Variants in POFUT3 observed in about 807,000 individuals in gnomAD.
The protein encoded by POFUT3 is protein O-fucosyltransferase 3, also known as GDP-fucose protein O-fucosyltransferase 3.
At chr8:33,362,771 C>T in the POFUT3 span, among the ~76,000 whole-genome samples, 1 of 152,114 alleles carries the variant, frequency 6.6e-6, no homozygotes, top group African/African-American at 2.4e-5. Flanking sequence ...ATTCATAAAG[C>T]AAGTCCTTAG....
chr8:33,317,886 C>A, the POFUT3 span, among the ~76,000 whole-genome samples: 1 of 152,162 alleles, frequency 6.6e-6, no homozygotes, highest in Non-Finnish European at 1.5e-5. Flanking sequence ...TCCAGCCTTA[C>A]TTCTCCATCC....
the POFUT3 span, among the ~76,000 whole-genome samples, chr8:33,336,170 T>G: frequency 6.6e-6 from 1 of 152,228 alleles, no homozygotes; most frequent in African/African-American, 2.4e-5. Flanking sequence ...AAAGTCTAGA[T>G]AGTCAACAAA....
the POFUT3 span, among the ~76,000 whole-genome samples, chr8:33,469,064 G>C: frequency 6.6e-6 from 1 of 152,176 alleles, no homozygotes; most frequent in African/African-American, 2.4e-5. Flanking sequence ...CCAGCACTTT[G>C]GGAGGCCAAG....
chr8:33,342,825 G>A, the POFUT3 span, among the ~76,000 whole-genome samples: 1 of 152,110 alleles, frequency 6.6e-6, no homozygotes, highest in Non-Finnish European at 1.5e-5. Context: ...AAGAAAACTG[G>A]CCAGGCACAG....
At chr8:33,309,145 A>T in the POFUT3 span, among the ~76,000 whole-genome samples, 10 of 39,548 alleles carry the variant, frequency 2.5e-4, no homozygotes, top group South Asian at 1.8e-3. Context: ...GTGTAAAAAA[A>T]AAAAAAAAAA....
the POFUT3 span, among the ~76,000 whole-genome samples, chr8:33,319,486 A>T: frequency 1.2e-4 from 5 of 41,242 alleles, no homozygotes; most frequent in East Asian, 2.3e-3. Flanking sequence ...TATTTATATA[A>T]TATATAAATA....
the POFUT3 span, among the ~76,000 whole-genome samples, chr8:33,368,559 C>T: frequency 6.6e-6 from 1 of 152,160 alleles, no homozygotes; most frequent in Admixed American, 6.6e-5. Context: ...CTCTTCTTCT[C>T]CTTCTTCAGT....
At chr8:33,370,073 TA>T in the POFUT3 span, among the ~76,000 whole-genome samples, 1 of 146,408 alleles carries the variant, frequency 6.8e-6, no homozygotes, top group Non-Finnish European at 1.5e-5. Flanking sequence ...GGCTCAGGCC[TA>T]TAATCCCAGC....
At chr8:33,374,044 G>A in the POFUT3 span, among the ~76,000 whole-genome samples, 1 of 152,194 alleles carries the variant, frequency 6.6e-6, no homozygotes, top group Non-Finnish European at 1.5e-5. Flanking sequence ...CCGGGCTGCA[G>A]AGCAGGAGGT....
the POFUT3 span, among the ~76,000 whole-genome samples, chr8:33,348,198 C>A: frequency 8.8e-5 from 13 of 147,266 alleles, no homozygotes; most frequent in East Asian, 2.4e-3. Context: ...AGGCCATCTA[C>A]AGAAAATGCC....
chr8:33,361,101 G>T, the POFUT3 span: 49 of 152,274 alleles, frequency 3.2e-4, no homozygotes, highest in Middle Eastern at 6.8e-3. Flanking sequence ...ACTGAAAGCA[G>T]CTCATAAGAT....
chr8:33,318,834 ATATT>A, the POFUT3 span, among the ~76,000 whole-genome samples: 4 of 55,100 alleles, frequency 7.3e-5, 1 homozygote, highest in Non-Finnish European at 1.1e-4. Flanking sequence ...TATTTTATAT[ATATT>A]TATATAATAT....
At chr8:33,321,315 G>A in the POFUT3 span, among the ~76,000 whole-genome samples, 30 of 152,084 alleles carry the variant, frequency 2.0e-4, no homozygotes, top group Admixed American at 7.9e-4. Flanking sequence ...ACAGCTGAAG[G>A]GTTTGTCACA....
chr8:33,316,964 G>A, the POFUT3 span, among the ~76,000 whole-genome samples: 1 of 151,980 alleles, frequency 6.6e-6, no homozygotes, highest in African/African-American at 2.4e-5. Flanking sequence ...TAAAGTAGTG[G>A]TTCAATGTCC....
chr8:33,344,556 C>T, the POFUT3 span, among the ~76,000 whole-genome samples: 1 of 152,168 alleles, frequency 6.6e-6, no homozygotes, highest in South Asian at 2.1e-4. Flanking sequence ...TCAGCAGGCA[C>T]CAAAAGCTTC....
At chr8:33,378,407 A>G in the POFUT3 span, among the ~76,000 whole-genome samples, 6 of 152,174 alleles carry the variant, frequency 3.9e-5, no homozygotes, top group African/African-American at 1.4e-4. Flanking sequence ...TCCTATCATG[A>G]TACCAGAAGT....
the POFUT3 span, among the ~76,000 whole-genome samples, chr8:33,362,304 C>T: frequency 6.6e-6 from 1 of 151,432 alleles, no homozygotes; most frequent in Non-Finnish European, 1.5e-5. Flanking sequence ...GTACAAGCCA[C>T]GGGAAAAAAA....
chr8:33,368,657 C>T, the POFUT3 span, among the ~76,000 whole-genome samples: 2 of 152,164 alleles, frequency 1.3e-5, no homozygotes, highest in Non-Finnish European at 2.9e-5. Flanking sequence ...ATTGAATAGA[C>T]TAGTCCCAAG....
the POFUT3 span, among the ~76,000 whole-genome samples, chr8:33,393,446 G>A: frequency 1.6e-4 from 25 of 152,312 alleles, no homozygotes; most frequent in Non-Finnish European, 2.6e-4. Flanking sequence ...GGAATAAAAC[G>A]AATGCTGGCA....
Sources: gnomAD v4.1 joint callset for allele counts (sites outside exome capture counted in the v4.1 genomes callset) on GRCh38, gnomAD v4.1.1 for gene constraint, MANE v1.5 for transcripts, NCBI Gene and HGNC (gene_info 2026-07-23, HGNC 2026-07-21) for gene names.